The following UIMC1 variants were observed in gnomAD, a reference collection of about 807,000 sequenced individuals.
UIMC1 encodes BRCA1-A complex subunit RAP80.
UIMC1 carries 42 observed loss-of-function variants against 84.9 expected under a neutral mutation model. That is an observed-to-expected ratio of 0.49 (90% CI 0.39 to 0.64). The LOEUF is 0.64. Among genes scored for constraint, UIMC1 ranks in the 30% least tolerant of loss-of-function variants. The pLI, the probability that UIMC1 is intolerant of heterozygous loss-of-function variation, is 0.00. For missense variants in UIMC1, 825 were observed against 847.6 expected (o/e 0.97, Z 0.33); for synonymous variants, 281 against 293.0 (o/e 0.96, Z 0.42).
chr5:176,970,784 T>C lies in UIMC1; in HGVS notation c.315A>G (p.Glu105=). ...TGGCTTTCCTCAAGAGCTCCTCTTC[T>C]TCCTCCTCCTGGCTGTTCACCTCCC... ...EAREVNSQEE[E]EEELLRKAIA... Residue 105 remains glutamate (E), a synonymous_variant, in exon 4 of 15, where the codon GAA becomes GAG. Transcript: ENST00000511320. 2 of 1,614,124 alleles carry C rather than the reference T, an allele frequency of 1.2e-6. No individual in the cohort carries two copies. The highest frequency in any genetic ancestry group is 2.7e-5 in the African/African-American group (2 of 75,062).
intron 1 of UIMC1, among the ~76,000 whole-genome samples, chr5:177,002,467 T>C (rs1472834389): frequency 6.6e-6 from 1 of 152,126 alleles, no homozygotes; most frequent in African/African-American, 2.4e-5. Context: ...ACGGGTTCAC[T>C]CTACTGTATA....
intron 9 of UIMC1, 59 bp from the exon 10 acceptor site, chr5:176,943,547 G>C (rs892343699): frequency 1.9e-6 from 3 of 1,572,198 alleles, no homozygotes; most frequent in Non-Finnish European, 1.7e-6. Context: ...TCCCTACAAC[G>C]AACTGCAAGA....
chr5:176,915,405 CT>C (rs1760840666), intron 10 of UIMC1, among the ~76,000 whole-genome samples: 1 of 151,818 alleles, frequency 6.6e-6, no homozygotes, highest in South Asian at 2.1e-4. Context: ...ACATCTTTAT[CT>C]TTACAACAAC....
rs748702423 is a variant in UIMC1, at chr5:176,975,411, T to C, written c.217A>G (p.Lys73Glu). 6 of 1,613,760 alleles carry C rather than the reference T, an allele frequency of 3.7e-6. No homozygotes were observed. Among genetic ancestry groups the C allele is most frequent in the African/African-American group, 2.7e-5 (2 of 74,926 alleles). ...GAAAACATACGTGCGATTTTTCTTTTGGCCAAACACTTTGCTCTATTCGAC... is the reference window on the plus strand; with the variant it reads ...GAAAACATACGTGCGATTTTTCTTTCGGCCAAACACTTTGCTCTATTCGAC... ...KQSNRAKCLA[K>E]RKIAQMTEEE... is the part of the protein sequence containing the mutation. Residue 73 changes from lysine (K) to glutamate (E), a missense_variant, in exon 3 of 15, where the codon AAA (lysine) becomes GAA (glutamate). Lys to Glu is a moderately conservative substitution (Grantham distance 56). Transcript: ENST00000511320.
intron 2 of UIMC1, among the ~76,000 whole-genome samples, chr5:176,980,681 CAT>C (rs1410394062): frequency 1.3e-5 from 2 of 151,744 alleles, no homozygotes; most frequent in African/African-American, 4.8e-5. Context: ...TTTTTTTTAA[CAT>C]ATCTGTATCT....
intron 8 of UIMC1, among the ~76,000 whole-genome samples, chr5:176,955,546 A>AT (rs1766487754): frequency 6.6e-6 from 1 of 152,202 alleles, no homozygotes; most frequent in Non-Finnish European, 1.5e-5. Flanking sequence ...GTGAGCTATG[A>AT]TTGCACCACC....
At chr5:176,939,938 T>A (rs1205872759) in intron 10 of UIMC1, among the ~76,000 whole-genome samples, 1 of 152,174 alleles carries the variant, frequency 6.6e-6, no homozygotes, top group Non-Finnish European at 1.5e-5. Flanking sequence ...ACATCTATCA[T>A]GTCTGAAAGT....
intron 6 of UIMC1, among the ~76,000 whole-genome samples, chr5:176,966,592 A>G (rs1318269380): frequency 6.6e-6 from 1 of 152,212 alleles, no homozygotes; most frequent in African/African-American, 2.4e-5. Context: ...TTTATATATA[A>G]AGAGTTTATA....
intron 14 of UIMC1, 131 bp from the exon 15 acceptor site, chr5:176,905,623 A>G: frequency 1.2e-6 from 1 of 824,896 alleles, no homozygotes; most frequent in Non-Finnish European, 1.9e-6. Flanking sequence ...TAATCCCACC[A>G]CATATCATCA....
At chr5:176,996,905 TAGG>T in intron 1 of UIMC1, among the ~76,000 whole-genome samples, 1 of 152,030 alleles carries the variant, frequency 6.6e-6, no homozygotes. Flanking sequence ...AAGACAGCCA[TAGG>T]AGGATTCATA....
rs367851922 is a variant in UIMC1, at chr5:177,019,627, G to GAA, written c.-9+2835_-9+2836dup. ...ACTGCACTAGTGAGACCCTGTCTCG[G>GAA]AAAAAAAAAAAAAAAAATTGTAGGC... is the stretch of plus-strand genomic sequence containing the variant. On this transcript the variant is annotated intron_variant, in intron 1 of 5. Coordinates refer to the UIMC1 transcript ENST00000509236. Among the ~76,000 whole-genome samples the GAA allele has an allele frequency of 1.9e-3, 258 of 133,934 alleles. 2 individuals carry two copies. Among genetic ancestry groups the GAA allele is most frequent in the African/African-American group, 4.4e-3 (157 of 35,796 alleles). 87.9% of individuals were successfully genotyped at this position (133,934 alleles called of 152,430 possible). A position where few individuals can be genotyped will look rare whatever the true frequency, so the allele number is the denominator to read the frequency against.
chr5:176,979,313 G>A (rs537432478), intron 2 of UIMC1, among the ~76,000 whole-genome samples: 2 of 152,220 alleles, frequency 1.3e-5, no homozygotes, highest in Admixed American at 6.5e-5. Flanking sequence ...ATACATAGTC[G>A]TTACCTTTAG....
At chr5:176,949,539 G>C (rs1373577858) in intron 9 of UIMC1, among the ~76,000 whole-genome samples, 1 of 152,138 alleles carries the variant, frequency 6.6e-6, no homozygotes, top group Non-Finnish European at 1.5e-5. Context: ...AAACAATCCA[G>C]AGGCCATTTT....
chr5:176,993,162 C>T (rs969889560), intron 1 of UIMC1, among the ~76,000 whole-genome samples: 2 of 140,004 alleles, frequency 1.4e-5, no homozygotes, highest in Non-Finnish European at 3.0e-5. Context: ...GCCTGGGCAA[C>T]AGAGCAAGAC....
At chr5:176,969,573 T>C (rs763482379) in intron 5 of UIMC1, 28 bp downstream of exon 5, 7 of 1,600,352 alleles carry the variant, frequency 4.4e-6, no homozygotes, top group East Asian at 2.2e-5. Context: ...ACTTGATGAA[T>C]GGAAGGAGTC....
chr5:176,926,866 T>C (rs921982513), intron 10 of UIMC1, among the ~76,000 whole-genome samples: 8 of 152,114 alleles, frequency 5.3e-5, no homozygotes, highest in Non-Finnish European at 2.9e-5. Context: ...AGGAAAAAAA[T>C]AGGCCCTGAA....
At chr5:177,014,057 C>CTTTT (rs34686520) in intron 1 of UIMC1, among the ~76,000 whole-genome samples, 18 of 122,124 alleles carry the variant, frequency 1.5e-4, no homozygotes, top group Admixed American at 2.6e-4. Context: ...TTTTTCTTTT[C>CTTTT]TTTTTTTTTT....
At chr5:176,988,130 CAAAA>C (rs35059681) in intron 1 of UIMC1, among the ~76,000 whole-genome samples, 5 of 90,206 alleles carry the variant, frequency 5.5e-5, no homozygotes, top group Non-Finnish European at 6.5e-5. Flanking sequence ...CGCCCCTGTC[CAAAA>C]AAAAAAAAAA....
chr5:176,977,595 A>G (rs1240133081), intron 2 of UIMC1, among the ~76,000 whole-genome samples: 3 of 144,278 alleles, frequency 2.1e-5, no homozygotes, highest in Non-Finnish European at 3.0e-5. Context: ...AAAAAAAAAA[A>G]AAGAAAAGAA....
Sources: gnomAD v4.1 joint callset for allele counts (sites outside exome capture counted in the v4.1 genomes callset) on GRCh38, gnomAD v4.1.1 for gene constraint, MANE v1.5 for transcripts, NCBI Gene and HGNC (gene_info 2026-07-23, HGNC 2026-07-21) for gene names.